LRP1B: variants seen among roughly 807,000 people sequenced by gnomAD.
LRP1B encodes low-density lipoprotein receptor-related protein 1B.
LRP1B carries 217 observed loss-of-function variants against 556.6 expected under a neutral mutation model. That is an observed-to-expected ratio of 0.39 (90% CI 0.35 to 0.44). The LOEUF (loss-of-function observed/expected upper bound fraction) is 0.44, where lower values mean the gene tolerates loss of function less well. LRP1B is among the 20% of genes least tolerant of loss of function. LRP1B has a pLI of 1.00. For missense variants in LRP1B, 5,053 were observed against 5,620.8 expected, an observed-to-expected ratio of 0.90 and a Z score of 3.23; for synonymous variants, 2,047 against 1,865.8, an observed-to-expected ratio of 1.10 and a Z score of -2.50.
At chr2:141,767,043 G>T (rs1694754543) in intron 2 of LRP1B, among the ~76,000 whole-genome samples, 1 of 151,982 alleles carries the variant, frequency 6.6e-6, no homozygotes, top group South Asian at 2.1e-4. Flanking sequence ...TTACCTAAAA[G>T]AAAATAATGG....
chr2:141,577,587 G>A (rs1025780598), intron 2 of LRP1B, among the ~76,000 whole-genome samples: 2 of 152,080 alleles, frequency 1.3e-5, no homozygotes, highest in African/African-American at 4.8e-5. Flanking sequence ...GGATATCCAA[G>A]CACCTGGCAG....
chr2:140,821,028 T>A (rs1025883140), intron 31 of LRP1B, among the ~76,000 whole-genome samples: 1 of 152,172 alleles, frequency 6.6e-6, no homozygotes, highest in African/African-American at 2.4e-5. Flanking sequence ...GTTGTTTATT[T>A]TCAGTGTCTA....
At chr2:141,342,195 G>A (rs1265663245) in intron 3 of LRP1B, among the ~76,000 whole-genome samples, 1 of 146,328 alleles carries the variant, frequency 6.8e-6, no homozygotes, top group Admixed American at 6.9e-5. Context: ...AGTGAGCCGA[G>A]ATCGTGCCAC....
chr2:140,735,634 G>A (rs536526825), intron 35 of LRP1B, among the ~76,000 whole-genome samples: 8 of 152,226 alleles, frequency 5.3e-5, no homozygotes, highest in South Asian at 2.1e-4. Context: ...CCTTGGACTC[G>A]CAGAGTTTGC....
chr2:140,671,457 C>A (rs1685482269), intron 41 of LRP1B, among the ~76,000 whole-genome samples: 1 of 152,140 alleles, frequency 6.6e-6, no homozygotes, highest in African/African-American at 2.4e-5. Flanking sequence ...AGAGGCAGAG[C>A]TTGCAGTGAG....
intron 11 of LRP1B, among the ~76,000 whole-genome samples, chr2:141,027,694 C>T (rs897319642): frequency 9.2e-5 from 14 of 152,032 alleles, no homozygotes; most frequent in South Asian, 6.2e-4. Flanking sequence ...TGTGTGAGGG[C>T]GCAATGGACT....
chr2:141,849,211 A>T (rs1164107371), intron 1 of LRP1B, among the ~76,000 whole-genome samples: 1 of 151,644 alleles, frequency 6.6e-6, no homozygotes, highest in Non-Finnish European at 1.5e-5. Context: ...ATTAATTCCA[A>T]AAGTTTTTAA....
intron 31 of LRP1B, among the ~76,000 whole-genome samples, chr2:140,826,973 C>T (rs915194630): frequency 1.3e-5 from 2 of 152,160 alleles, no homozygotes; most frequent in Non-Finnish European, 2.9e-5. Context: ...CAGTCTCCTA[C>T]AGAGCCAAGG....
At chr2:140,442,934 G>GT (rs1353325156) in intron 65 of LRP1B, among the ~76,000 whole-genome samples, 2 of 151,958 alleles carry the variant, frequency 1.3e-5, no homozygotes, top group East Asian at 3.9e-4. Flanking sequence ...TTCAAAATAA[G>GT]TTTTTTTCCA....
intron 20 of LRP1B, among the ~76,000 whole-genome samples, chr2:140,947,219 T>C (rs189922920): frequency 1.6e-4 from 24 of 152,280 alleles, no homozygotes; most frequent in African/African-American, 5.8e-4. Flanking sequence ...TTAGAGAGAA[T>C]ACATATTGAA....
At chr2:140,364,566 A>T in intron 72 of LRP1B, 95 bp downstream of exon 72, 1 of 1,425,710 alleles carries the variant, frequency 7.0e-7, no homozygotes, top group Admixed American at 2.1e-5. Context: ...CCAGGATGGT[A>T]TAATTGGTAG....
At chr2:141,427,670 TTTTTG>T (rs1272113960) in intron 3 of LRP1B, among the ~76,000 whole-genome samples, 5 of 152,190 alleles carry the variant, frequency 3.3e-5, no homozygotes, top group East Asian at 3.8e-4. Flanking sequence ...AGTACTGGGT[TTTTTG>T]TTTTGTTTTG....
intron 3 of LRP1B, among the ~76,000 whole-genome samples, chr2:141,431,694 T>C (rs1680568004): frequency 6.6e-6 from 1 of 152,156 alleles, no homozygotes; most frequent in South Asian, 2.1e-4. Flanking sequence ...TTCTCATATC[T>C]TTTATTAAGT....
At chr2:141,705,481 A>G (rs1214737801) in intron 2 of LRP1B, among the ~76,000 whole-genome samples, 1 of 151,968 alleles carries the variant, frequency 6.6e-6, no homozygotes, top group Non-Finnish European at 1.5e-5. Flanking sequence ...CTACCTTTAA[A>G]TGTAGGTAGT....
intron 2 of LRP1B, among the ~76,000 whole-genome samples, chr2:141,717,150 C>G (rs759892400): frequency 6.6e-6 from 1 of 152,142 alleles, no homozygotes; most frequent in Non-Finnish European, 1.5e-5. Flanking sequence ...TCTTGCCCAG[C>G]ACTAACCCAA....
intron 87 of LRP1B, 74 bp from the exon 88 acceptor site, chr2:140,239,606 T>C: frequency 1.1e-6 from 1 of 897,944 alleles, no homozygotes; most frequent in Non-Finnish European, 1.7e-6. Flanking sequence ...AAGTACTTTA[T>C]TATACCAAAT....
At chr2:140,878,776 G>A (rs1238353650) in intron 25 of LRP1B, among the ~76,000 whole-genome samples, 7 of 152,032 alleles carry the variant, frequency 4.6e-5, no homozygotes, top group Non-Finnish European at 1.0e-4. Context: ...GGAGGTTGAG[G>A]CAGATGGATC....
At chr2:140,345,120 G>A (rs752579984) in intron 77 of LRP1B, among the ~76,000 whole-genome samples, 13 of 151,650 alleles carry the variant, frequency 8.6e-5, no homozygotes, top group Non-Finnish European at 1.9e-4. Flanking sequence ...ATCCATTGTA[G>A]TGTGTTAAGC....
chr2:141,220,947 A>G (rs1346517369), intron 6 of LRP1B, among the ~76,000 whole-genome samples: 1 of 152,094 alleles, frequency 6.6e-6, no homozygotes, highest in East Asian at 1.9e-4. Flanking sequence ...AGAAAAGTTC[A>G]TTACCAGCCA....
Sources: gnomAD v4.1 joint callset for allele counts (sites outside exome capture counted in the v4.1 genomes callset) on GRCh38, gnomAD v4.1.1 for gene constraint, MANE v1.5 for transcripts, NCBI Gene and HGNC (gene_info 2026-07-23, HGNC 2026-07-21) for gene names.